Variants in USP16 observed in about 807,000 individuals in gnomAD.
USP16 encodes ubiquitin carboxyl-terminal hydrolase 16.
Under a neutral mutation model 95.9 loss-of-function variants are expected in USP16, and 77 were observed. The observed-to-expected ratio is 0.80, with a 90% CI of 0.67 to 0.97. The LOEUF is 0.97. Ranked by LOEUF, USP16 falls within the 50% of genes least tolerant of loss-of-function variation. The probability of loss-of-function intolerance (pLI) is 0.00; values close to 1 mark genes in which losing one functional copy is unlikely to be tolerated. For synonymous variants in USP16, 303 were observed against 318.2 expected, an observed-to-expected ratio of 0.95 and a Z score of 0.51; for missense variants, 943 against 959.9, an observed-to-expected ratio of 0.98 and a Z score of 0.23.
rs145001972 is a variant in USP16, at chr21:29,049,117, G to C, written c.2106+262G>C. The stretch of plus-strand genomic sequence containing the variant: ...GATTGGCATCTTACTTTTATTTCAG[G>C]TTAAAAAAAGAAAAAGACTGGTGTG... On this transcript the variant is annotated intron_variant, in intron 15 of 17. Coordinates refer to ENST00000399976, the MANE Select transcript of USP16 (RefSeq NM_006447.3). Among the ~76,000 whole-genome samples, 529 of 151,510 alleles carry C rather than the reference G, an allele frequency of 3.5e-3. 12 individuals carry two copies. Among genetic ancestry groups the C allele is most frequent in the Non-Finnish European group, 8.2e-4 (56 of 67,954 alleles).
chr21:29,033,321 T>A (rs907246817), intron 3 of USP16, among the ~76,000 whole-genome samples: 2 of 152,264 alleles, frequency 1.3e-5, no homozygotes, highest in Non-Finnish European at 2.9e-5. Context: ...TATCAAATGT[T>A]AATTCATTTA....
intron 9 of USP16, 28 bp downstream of exon 9, chr21:29,039,596 A>C: frequency 6.3e-7 from 1 of 1,596,276 alleles, no homozygotes. Context: ...ATTGTATTTT[A>C]TGATCTTATC....
rs1601058705 is a variant in USP16 at position 29,040,464 on chromosome 21, A to G, written c.952-145A>G. ...ACATAATTCCTTTTTAGCTCCTTGA[A>G]TTAAGTTTGAAAATGTGATTTTGGA... On this transcript the variant is annotated intron_variant, in intron 9 of 17. Transcript: ENST00000399976. 6 of 306,416 alleles carry G rather than the reference A, an allele frequency of 2.0e-5. No individual in the cohort carries two copies. The East Asian group carries it at 3.3e-4, about 17-fold the overall frequency. The allele number at this position is 306,416 out of a possible 1,614,324, so 19.0% of individuals were successfully genotyped here. A position where few individuals can be genotyped will look rare whatever the true frequency, so the allele number is the denominator to read the frequency against.
chr21:29,049,390 G>A (rs2085379829), intron 15 of USP16, among the ~76,000 whole-genome samples: 1 of 152,170 alleles, frequency 6.6e-6, no homozygotes, highest in Admixed American at 6.5e-5. Flanking sequence ...GACTAATTGG[G>A]TGGGCCTTTA....
At chr21:29,044,122 A>G (rs2085286182) in intron 13 of USP16, among the ~76,000 whole-genome samples, 1 of 152,136 alleles carries the variant, frequency 6.6e-6, no homozygotes. Flanking sequence ...TAGTAGAGAC[A>G]GGGTTTCACC....
intron 1 of USP16, chr21:29,025,623 G>A (rs2084975639): frequency 5.3e-5 from 19 of 359,070 alleles, no homozygotes; most frequent in Non-Finnish European, 7.4e-5. Context: ...CTAAGCTGCT[G>A]CAATCCTCAA....
intron 4 of USP16, among the ~76,000 whole-genome samples, chr21:29,035,413 G>A (rs893929880): frequency 6.8e-5 from 10 of 147,784 alleles, no homozygotes; most frequent in South Asian, 2.1e-4. Flanking sequence ...TCTTTCTGTC[G>A]CCCAGGCTGG....
intron 1 of USP16, chr21:29,025,819 C>A (rs2084978318): frequency 1.4e-6 from 1 of 712,636 alleles, no homozygotes; most frequent in East Asian, 1.3e-4. Flanking sequence ...TTCTTCAGGA[C>A]CTGCTATGTA....
intron 10 of USP16, among the ~76,000 whole-genome samples, 183 bp from the exon 11 acceptor site, chr21:29,041,830 G>A (rs2146382541): frequency 6.6e-6 from 1 of 152,230 alleles, no homozygotes; most frequent in South Asian, 2.1e-4. Flanking sequence ...ATGCTCAGAG[G>A]TGGAATATAT....
intron 1 of USP16, among the ~76,000 whole-genome samples, chr21:29,025,075 T>C (rs2084966379): frequency 6.6e-6 from 1 of 152,012 alleles, no homozygotes; most frequent in South Asian, 2.1e-4. Flanking sequence ...GCCGAGCAAA[T>C]GGGTGGGTGG....
At chr21:29,028,542 T>G (rs1486785312) in intron 2 of USP16, among the ~76,000 whole-genome samples, 1 of 152,030 alleles carries the variant, frequency 6.6e-6, no homozygotes, top group Non-Finnish European at 1.5e-5. Context: ...TTCAAGCGAT[T>G]CTCCTGTCTC....
intron 1 of USP16, among the ~76,000 whole-genome samples, chr21:29,026,120 G>C (rs1181810167): frequency 1.3e-5 from 2 of 152,200 alleles, no homozygotes; most frequent in Non-Finnish European, 2.9e-5. Context: ...AGAAATCAAA[G>C]ACATCAAGGC....
rs185906305 is a variant in USP16, at chr21:29,028,009, T to C, written c.61+35T>C. 619 of 1,468,716 alleles carry C rather than the reference T, an allele frequency of 4.2e-4. 3 individuals carry two copies. The African/African-American group carries it at 7.7e-3, about 18-fold the overall frequency. The allele number at this position is 1,468,716 out of a possible 1,614,324, so 91.0% of individuals were successfully genotyped here. ...ATTGATTGAATCTTTAATGTTTATATCTCTAAATGAATATGTTTTAAAATG... is the reference window on the plus strand; with the variant it reads ...ATTGATTGAATCTTTAATGTTTATACCTCTAAATGAATATGTTTTAAAATG... On this transcript the variant is annotated intron_variant, in intron 2 of 17. Coordinates refer to ENST00000399976, the MANE Select transcript of USP16 (RefSeq NM_006447.3).
chr21:29,046,850 G>T lies in USP16; in HGVS notation c.1540G>T (p.Asp514Tyr), dbSNP rs2085331591. 10 of 1,614,016 alleles carry T rather than the reference G, an allele frequency of 6.2e-6. 1 individual carries two copies. The highest frequency in any genetic ancestry group is 5.0e-5 in the Admixed American group (3 of 59,996). Residue 514 changes from aspartate to tyrosine, a missense_variant, in exon 14 of 18, where the codon GAT becomes TAT. Coordinates refer to ENST00000399976, the MANE Select transcript of USP16 (RefSeq NM_006447.3). ...TAAAGAATATTGTGTCAACCAGAAAGATTTGAATGGCCAAGCAAAAATGAT... is the reference window on the plus strand; with the variant it reads ...TAAAGAATATTGTGTCAACCAGAAATATTTGAATGGCCAAGCAAAAATGAT... ...MHKEYCVNQK[D>Y]LNGQAKMIES... is the part of the protein sequence containing the mutation.
At position 29,054,243 on chromosome 21, in the gene USP16, A is replaced by G; in HGVS notation, c.*56A>G. 2 of 1,552,002 alleles carry G rather than the reference A, an allele frequency of 1.3e-6. No homozygotes were observed. Among genetic ancestry groups the G allele is most frequent in the Non-Finnish European group, 1.8e-6 (2 of 1,137,292 alleles). ...ATTTATGGCTTTTATAATGGCTGAA[A>G]TAACGATAAAAAAAGACTAATTAAA... On this transcript the variant is annotated 3_prime_UTR_variant, in exon 18 of 18. Transcript: ENST00000399976.
chr21:29,050,798 A>G (rs1023300191), intron 16 of USP16, among the ~76,000 whole-genome samples: 21 of 152,296 alleles, frequency 1.4e-4, no homozygotes, highest in African/African-American at 4.8e-4. Context: ...ATGGTGAGGA[A>G]CTTGGACTTC....
chr21:29,041,551 T>C (rs2085242937), intron 10 of USP16, among the ~76,000 whole-genome samples: 1 of 152,176 alleles, frequency 6.6e-6, no homozygotes, highest in South Asian at 2.1e-4. Flanking sequence ...AGTTCAGTCT[T>C]AGAGTTCACA....
chr21:29,034,772 A>G (rs969906050), intron 3 of USP16, 65 bp from the exon 4 acceptor site: 1 of 1,437,558 alleles, frequency 7.0e-7, no homozygotes, highest in Admixed American at 1.7e-5. Context: ...TTTATGATAG[A>G]TTATGCATTC....
chr21:29,053,717 C>A, intron 16 of USP16, 85 bp from the exon 17 acceptor site: 2 of 1,398,818 alleles, frequency 1.4e-6, no homozygotes, highest in East Asian at 2.3e-5. Context: ...GTTAAAGACC[C>A]TTTGCATAGT....
Sources: gnomAD v4.1 joint callset for allele counts (sites outside exome capture counted in the v4.1 genomes callset) on GRCh38, gnomAD v4.1.1 for gene constraint, MANE v1.5 for transcripts, NCBI Gene and HGNC (gene_info 2026-07-23, HGNC 2026-07-21) for gene names.